Variants in PTPRN2 observed in about 807,000 individuals in gnomAD.
The protein encoded by PTPRN2 is protein tyrosine phosphatase receptor type N2, also known as receptor-type tyrosine-protein phosphatase N2.
Under a neutral mutation model 118.8 loss-of-function variants are expected in PTPRN2, and 74 were observed. The observed-to-expected ratio is 0.62, with a 90% CI of 0.52 to 0.76. The LOEUF (loss-of-function observed/expected upper bound fraction) is 0.76. Ranked by LOEUF, PTPRN2 falls within the 30% of genes least tolerant of loss-of-function variation. The pLI, the probability that PTPRN2 is intolerant of heterozygous loss-of-function variation, is 0.00. For synonymous variants in PTPRN2, 641 were observed against 608.0 expected (o/e 1.05, Z -0.80); for missense variants, 1,481 against 1,394.4 (o/e 1.06, Z -0.99).
intron 3 of PTPRN2, among the ~76,000 whole-genome samples, chr7:158,227,592 T>G (rs6974918): frequency 0.49 from 73,583 of 151,442 alleles, 18,917 homozygotes; most frequent in African/African-American, 0.67. Flanking sequence ...TGAGTAGAAT[T>G]CACGACTATA....
intron 3 of PTPRN2, among the ~76,000 whole-genome samples, chr7:158,259,115 T>C (rs747113913): frequency 5.9e-5 from 9 of 152,102 alleles, no homozygotes; most frequent in Non-Finnish European, 1.2e-4. Context: ...GCTGCAAACG[T>C]CTCTTGAGTG....
intron 14 of PTPRN2, among the ~76,000 whole-genome samples, chr7:157,636,788 C>T (rs563951624): frequency 7.9e-4 from 120 of 152,302 alleles, no homozygotes; most frequent in Non-Finnish European, 1.5e-3. Flanking sequence ...AGATTAAACT[C>T]CCCCAATTCT....
At chr7:158,462,273 C>T (rs555782251) in intron 2 of PTPRN2, among the ~76,000 whole-genome samples, 1 of 152,314 alleles carries the variant, frequency 6.6e-6, no homozygotes, top group Non-Finnish European at 1.5e-5. Flanking sequence ...CCTCATACAG[C>T]GGGCTGATGC....
intron 16 of PTPRN2, among the ~76,000 whole-genome samples, 181 bp from the exon 17 acceptor site, chr7:157,595,496 GT>G (rs1801254042): frequency 6.9e-6 from 1 of 144,880 alleles, no homozygotes; most frequent in African/African-American, 2.6e-5. Flanking sequence ...AGGAAGCCTG[GT>G]GTTTAGGAAG....
At chr7:157,877,012 G>A (rs1563198857) in intron 12 of PTPRN2, among the ~76,000 whole-genome samples, 1 of 152,238 alleles carries the variant, frequency 6.6e-6, no homozygotes, top group East Asian at 1.9e-4. Context: ...CCCCAGGCCT[G>A]AGTGTGGCAC....
In PTPRN2 at chr7:157,656,404, C is replaced by T. The variant is rs267601436; in HGVS notation, c.2149G>A (p.Glu717Lys). The change falls in exon 14 of 23, where the codon GAG (glutamate) becomes AAG (lysine). Residue 717 changes from glutamate to lysine, a missense_variant. Glu to Lys is a moderately conservative substitution (Grantham distance 56). Coordinates refer to ENST00000389418, the MANE Select transcript of PTPRN2 (RefSeq NM_002847.5). The stretch of plus-strand genomic sequence containing the variant: ...ATGTCCATGTTGGACTGCACAGGCT[C>T]CTCGGACCAGGATGAGGCGCTGCTG... ...ARSSASSWSE[E>K]PVQSNMDIST... 1 of 1,552,954 alleles carries T rather than the reference C, an allele frequency of 6.4e-7. No homozygotes were observed. Among genetic ancestry groups the T allele is most frequent in the South Asian group, 1.2e-5 (1 of 84,178 alleles).
chr7:157,788,745 G>A (rs997955152), intron 12 of PTPRN2, among the ~76,000 whole-genome samples: 6 of 152,030 alleles, frequency 3.9e-5, no homozygotes, highest in African/African-American at 9.7e-5. Context: ...CCACTGCCAC[G>A]CGGGAGGCCT....
chr7:157,864,633 G>A (rs962667584), intron 12 of PTPRN2: 1 of 152,326 alleles, frequency 6.6e-6, no homozygotes, highest in Non-Finnish European at 1.5e-5. Context: ...GGCCACGGCG[G>A]GGCTGTGTGT....
chr7:158,331,016 C>A, intron 2 of PTPRN2, among the ~76,000 whole-genome samples: 1 of 137,400 alleles, frequency 7.3e-6, no homozygotes, highest in Non-Finnish European at 1.6e-5. Context: ...AGACGTCACT[C>A]ACATCCACAC....
intron 3 of PTPRN2, among the ~76,000 whole-genome samples, chr7:158,253,291 G>T (rs574096952): frequency 5.1e-4 from 77 of 150,984 alleles, no homozygotes; most frequent in African/African-American, 1.9e-3. Context: ...CAGCGGGCGG[G>T]GGCCTGAGGA....
intron 3 of PTPRN2, among the ~76,000 whole-genome samples, chr7:158,227,364 A>C (rs1828868108): frequency 6.6e-6 from 1 of 152,182 alleles, no homozygotes; most frequent in South Asian, 2.1e-4. Flanking sequence ...ATACTGAGAG[A>C]TAAATCAGAG....
intron 13 of PTPRN2, among the ~76,000 whole-genome samples, chr7:157,658,672 G>T (rs1332052717): frequency 1.3e-5 from 2 of 152,200 alleles, no homozygotes; most frequent in African/African-American, 4.8e-5. Context: ...CAACAATCTC[G>T]TTTTGAAAGT....
At chr7:158,294,652 G>A (rs1800339578) in intron 3 of PTPRN2, among the ~76,000 whole-genome samples, 1 of 146,094 alleles carries the variant, frequency 6.8e-6, no homozygotes, top group Non-Finnish European at 1.5e-5. Flanking sequence ...GAGCAAGCGG[G>A]GAGGGAGGAG....
chr7:157,695,304 T>G (rs1471611806), intron 12 of PTPRN2, among the ~76,000 whole-genome samples: 1 of 152,098 alleles, frequency 6.6e-6, no homozygotes, highest in Non-Finnish European at 1.5e-5. Flanking sequence ...TATGGTAAGG[T>G]AGAAAATGAT....
intron 9 of PTPRN2, among the ~76,000 whole-genome samples, chr7:158,128,255 T>C (rs1226552407): frequency 6.6e-6 from 1 of 152,122 alleles, no homozygotes; most frequent in African/African-American, 2.4e-5. Context: ...AAAACCTCAA[T>C]CTCCTTGCAA....
At chr7:157,698,427 C>T (rs1797912242) in intron 12 of PTPRN2, among the ~76,000 whole-genome samples, 1 of 152,202 alleles carries the variant, frequency 6.6e-6, no homozygotes, top group African/African-American at 2.4e-5. Context: ...GATATCCCAC[C>T]AATGGCTTGA....
At chr7:157,792,410 T>C (rs559603656) in intron 12 of PTPRN2, among the ~76,000 whole-genome samples, 11 of 152,272 alleles carry the variant, frequency 7.2e-5, no homozygotes, top group African/African-American at 2.6e-4. Flanking sequence ...TGGCGGACAT[T>C]AGCCAGCAGT....
chr7:158,160,154 G>A (rs1381925366), intron 6 of PTPRN2, among the ~76,000 whole-genome samples: 2 of 152,192 alleles, frequency 1.3e-5, no homozygotes, highest in East Asian at 3.8e-4. Flanking sequence ...TGTAGACTTC[G>A]TTTTAAGTGT....
At chr7:158,254,711 G>A (rs528655590) in intron 3 of PTPRN2, among the ~76,000 whole-genome samples, 77 of 152,250 alleles carry the variant, frequency 5.1e-4, no homozygotes, top group Middle Eastern at 3.4e-3. Flanking sequence ...CAGAGCCACC[G>A]CTGCACACAG....
Sources: allele counts gnomAD v4.1 joint callset (sites outside exome capture counted in the v4.1 genomes callset), GRCh38; gene constraint gnomAD v4.1.1; transcripts MANE v1.5; gene names NCBI Gene and HGNC (gene_info 2026-07-23, HGNC 2026-07-21).